Variants in JAKMIP2 observed in about 807,000 individuals in gnomAD.
JAKMIP2 encodes janus kinase and microtubule interacting protein 2, also known as janus kinase and microtubule-interacting protein 2.
A neutral mutation model predicts 115.0 loss-of-function variants in JAKMIP2; 25 were observed. The ratio of observed to expected loss-of-function variants is 0.22; its 90% CI spans 0.16 to 0.30. The LOEUF is 0.30. JAKMIP2 is among the 10% of genes least tolerant of loss of function. The pLI, the probability that JAKMIP2 is intolerant of heterozygous loss-of-function variation, is 1.00. For missense variants in JAKMIP2, 642 were observed against 957.6 expected (o/e 0.67, Z 4.35); for synonymous variants, 334 against 343.6 (o/e 0.97, Z 0.31).
intron 1 of JAKMIP2, among the ~76,000 whole-genome samples, chr5:147,716,026 G>C (rs1435196649): frequency 1.6e-5 from 2 of 127,602 alleles, no homozygotes; most frequent in South Asian, 2.9e-4. Context: ...CCCAGAGTGT[G>C]ATATTCCCCT....
At chr5:147,688,735 A>G (rs923855797) in intron 1 of JAKMIP2, among the ~76,000 whole-genome samples, 1 of 152,202 alleles carries the variant, frequency 6.6e-6, no homozygotes, top group Non-Finnish European at 1.5e-5. Context: ...TACATGGAAT[A>G]AGGCCGGTAA....
At chr5:147,631,657 T>G in intron 13 of JAKMIP2, 146 bp from the exon 14 acceptor site, 1 of 550,192 alleles carries the variant, frequency 1.8e-6, no homozygotes, top group Non-Finnish European at 3.2e-6. Context: ...TGTTCATGAT[T>G]AAATGTGACG....
intron 1 of JAKMIP2, among the ~76,000 whole-genome samples, chr5:147,766,049 T>C (rs1755144162): frequency 6.6e-6 from 1 of 152,208 alleles, no homozygotes; most frequent in African/African-American, 2.4e-5. Flanking sequence ...TAAATGACTA[T>C]GCATTTTTAA....
intron 1 of JAKMIP2, among the ~76,000 whole-genome samples, chr5:147,716,062 T>C (rs1403869058): frequency 7.0e-6 from 1 of 142,432 alleles, no homozygotes; most frequent in Non-Finnish European, 1.5e-5. Context: ...ATCTCATTGT[T>C]CAATTCCCAC....
intron 1 of JAKMIP2, among the ~76,000 whole-genome samples, chr5:147,763,599 C>T (rs556639033): frequency 6.6e-6 from 1 of 152,150 alleles, no homozygotes; most frequent in South Asian, 2.1e-4. Context: ...GGTACTTCCA[C>T]AATTGGGTAA....
intron 1 of JAKMIP2, among the ~76,000 whole-genome samples, chr5:147,727,835 T>C (rs1429773108): frequency 1.3e-5 from 2 of 150,964 alleles, no homozygotes; most frequent in African/African-American, 2.4e-5. Flanking sequence ...AAGGTTTTTT[T>C]CTTTTCTTCT....
chr5:147,599,815 T>C (rs976424065), intron 21 of JAKMIP2, among the ~76,000 whole-genome samples: 1 of 152,182 alleles, frequency 6.6e-6, no homozygotes, highest in Non-Finnish European at 1.5e-5. Flanking sequence ...AGCTGGATGG[T>C]CTTGGGAAAG....
chr5:147,697,787 C>T (rs1421915594), intron 1 of JAKMIP2, among the ~76,000 whole-genome samples: 1 of 152,206 alleles, frequency 6.6e-6, no homozygotes, highest in Non-Finnish European at 1.5e-5. Context: ...AGAGGATGTA[C>T]AAAAATGCCT....
chr5:147,687,490 G>C (rs1010318463), intron 1 of JAKMIP2, among the ~76,000 whole-genome samples: 1 of 152,180 alleles, frequency 6.6e-6, no homozygotes, highest in Non-Finnish European at 1.5e-5. Context: ...ACTGAGTCTT[G>C]AAAGATGAGA....
chr5:147,647,511 T>A (rs1445589021), intron 5 of JAKMIP2, among the ~76,000 whole-genome samples: 1 of 152,088 alleles, frequency 6.6e-6, no homozygotes, highest in Non-Finnish European at 1.5e-5. Context: ...AAAGGCAGCA[T>A]AACAGAAAAT....
At chr5:147,759,492 A>C (rs1045443449) in intron 1 of JAKMIP2, among the ~76,000 whole-genome samples, 2 of 152,070 alleles carry the variant, frequency 1.3e-5, no homozygotes, top group Admixed American at 6.6e-5. Flanking sequence ...AAATGAACAA[A>C]GAGAGTGCTA....
intron 21 of JAKMIP2, chr5:147,594,413 C>T (rs1405562469): frequency 2.2e-6 from 1 of 455,330 alleles, no homozygotes; most frequent in Admixed American, 2.4e-5. Flanking sequence ...TGTCTCACTG[C>T]AGCATCGACC....
At chr5:147,682,433 G>A (rs546143595) in intron 1 of JAKMIP2, among the ~76,000 whole-genome samples, 1 of 152,176 alleles carries the variant, frequency 6.6e-6, no homozygotes, top group Admixed American at 6.5e-5. Flanking sequence ...AAGGTAGAAT[G>A]AACTAAGAAG....
chr5:147,624,807 A>C (rs1338621480), intron 16 of JAKMIP2, among the ~76,000 whole-genome samples: 4 of 152,070 alleles, frequency 2.6e-5, no homozygotes, highest in Admixed American at 1.3e-4. Flanking sequence ...CCAGCTTTTC[A>C]TGGGTGGGTG....
rs60275664 is a variant in JAKMIP2, at chr5:147,745,056, C to CAA, written c.-149+37398_-149+37399dup. On this transcript the variant is annotated intron_variant, in intron 1 of 21. Coordinates refer to ENST00000616793, the MANE Select transcript of JAKMIP2 (RefSeq NM_001270941.2). ...CTGGCAACAGAGCTAGACTCTGTCT[C>CAA]AAAAAAAAAAAAAAAAAAAGGAAAT... is the stretch of plus-strand genomic sequence containing the variant. Among the ~76,000 whole-genome samples, 47 of 88,336 alleles carry CAA rather than the reference C, an allele frequency of 5.3e-4. 1 individual carries two copies. The highest frequency in any genetic ancestry group is 1.1e-3 in the South Asian group (3 of 2,612). 58.0% of individuals were successfully genotyped at this position (88,336 alleles called of 152,430 possible).
chr5:147,633,355 G>A (rs7728938), intron 12 of JAKMIP2, among the ~76,000 whole-genome samples: 9,441 of 152,138 alleles, frequency 0.062, 835 homozygotes, highest in African/African-American at 0.19. Flanking sequence ...TAGAATCTAG[G>A]AACTGTGGCC....
chr5:147,644,821 T>A (rs776663164), intron 6 of JAKMIP2, 29 bp downstream of exon 6: 1 of 1,588,902 alleles, frequency 6.3e-7, no homozygotes, highest in East Asian at 2.3e-5. Context: ...TCAAGGAAGC[T>A]GCAGTTTTGC....
At chr5:147,611,314 G>A (rs889190393) in intron 20 of JAKMIP2, among the ~76,000 whole-genome samples, 4 of 152,166 alleles carry the variant, frequency 2.6e-5, no homozygotes, top group African/African-American at 9.7e-5. Context: ...CCCTTGTGGT[G>A]TAGGCACCTG....
At chr5:147,616,757 A>AT (rs1380013836) in intron 19 of JAKMIP2, among the ~76,000 whole-genome samples, 3 of 152,192 alleles carry the variant, frequency 2.0e-5, no homozygotes, top group Non-Finnish European at 4.4e-5. Context: ...TAATAGGAAC[A>AT]TGTAGGTATT....
Sources: allele counts gnomAD v4.1 joint callset (sites outside exome capture counted in the v4.1 genomes callset), GRCh38; gene constraint gnomAD v4.1.1; transcripts MANE v1.5; gene names NCBI Gene and HGNC (gene_info 2026-07-23, HGNC 2026-07-21).